MGA: variants seen among roughly 807,000 people sequenced by gnomAD.
MGA encodes MAX gene-associated protein.
Under a neutral mutation model 261.1 loss-of-function variants are expected in MGA, and 40 were observed. That is an observed-to-expected ratio of 0.15 (90% confidence interval 0.12 to 0.20). The LOEUF (loss-of-function observed/expected upper bound fraction) is 0.20, where lower values mean the gene tolerates loss of function less well. Ranked by LOEUF, MGA falls within the 10% of genes least tolerant of loss-of-function variation. The probability of loss-of-function intolerance (pLI) is 1.00; values close to 1 mark genes in which losing one functional copy is unlikely to be tolerated. For missense variants in MGA, 3,397 were observed against 3,630.5 expected, an observed-to-expected ratio of 0.94 and a Z score of 1.65; for synonymous variants, 1,302 against 1,290.6, an observed-to-expected ratio of 1.01 and a Z score of -0.19.
intron 15 of MGA, among the ~76,000 whole-genome samples, chr15:41,745,010 C>T (rs536880801): frequency 6.6e-6 from 1 of 152,278 alleles, no homozygotes; most frequent in East Asian, 1.9e-4. Context: ...TCCCGAGTAG[C>T]TGGGATTGCA....
chr15:41,635,758 T>C (rs1373018939), intron 1 of MGA, among the ~76,000 whole-genome samples: 1 of 152,174 alleles, frequency 6.6e-6, no homozygotes, highest in East Asian at 1.9e-4. Context: ...CACATAATGA[T>C]ATTTTGGTCA....
At chr15:41,657,739 A>C (rs1464621920), upstream of MGA, among the ~76,000 whole-genome samples, 1 of 151,986 alleles carries the variant, frequency 6.6e-6, no homozygotes, top group Non-Finnish European at 1.5e-5. Context: ...CCCTTATTTT[A>C]TGAATGTTCT....
chr15:41,716,201 A>C (rs778720695), intron 9 of MGA, among the ~76,000 whole-genome samples: 1 of 151,880 alleles, frequency 6.6e-6, no homozygotes, highest in African/African-American at 2.4e-5. Flanking sequence ...TAATCCCAGC[A>C]CTTTGGACGG....
At chr15:41,640,429 G>A (rs115937069) in intron 1 of MGA, among the ~76,000 whole-genome samples, 149 of 152,222 alleles carry the variant, frequency 9.8e-4, no homozygotes, top group African/African-American at 3.4e-3. Flanking sequence ...CTAGAGAAGC[G>A]ATACAGTTTC....
chr15:41,658,537 T>G (rs1245263614), upstream of MGA, among the ~76,000 whole-genome samples: 1 of 152,116 alleles, frequency 6.6e-6, no homozygotes, highest in Admixed American at 6.6e-5. Context: ...TGTGGTGGTA[T>G]GATTATTTTT....
At chr15:41,762,387 CT>C (rs2063509591) in intron 22 of MGA, 25 bp downstream of exon 22, 1 of 1,576,404 alleles carries the variant, frequency 6.3e-7, no homozygotes, top group South Asian at 1.1e-5. Context: ...CTTCGCTTTC[CT>C]TAATGTAGAT....
At chr15:41,742,003 T>C (rs1167377977) in intron 14 of MGA, among the ~76,000 whole-genome samples, 3 of 151,666 alleles carry the variant, frequency 2.0e-5, no homozygotes, top group African/African-American at 7.3e-5. Context: ...AGTCACTGTG[T>C]CTGGCCTGGA....
rs760566203 is a variant in MGA at position 41,742,793 on chromosome 15, T to G, written c.4833T>G (p.Ala1611=). 3 of 1,613,918 alleles carry G rather than the reference T, an allele frequency of 1.9e-6. No homozygotes were observed. In the Admixed American group the frequency reaches 5.0e-5, roughly 27 times the overall value. ...AAGTGTTTTTAGAAAATACTACTGC[T>G]GTGACACCTATGACTGCTATTTCTG... The change falls in exon 15 of 24, where the codon GCT becomes GCG. Residue 1611 remains alanine, a synonymous_variant. Coordinates refer to ENST00000219905, the MANE Select transcript of MGA (RefSeq NM_001164273.2).
chr15:41,730,236 G>A (rs1235955071), intron 11 of MGA, among the ~76,000 whole-genome samples: 1 of 152,076 alleles, frequency 6.6e-6, no homozygotes, highest in Non-Finnish European at 1.5e-5. Flanking sequence ...TGGGCTGATC[G>A]AGACTAGCCT....
At chr15:41,668,248 C>G (rs1451246873) in intron 1 of MGA, among the ~76,000 whole-genome samples, 1 of 151,862 alleles carries the variant, frequency 6.6e-6, no homozygotes, top group Non-Finnish European at 1.5e-5. Context: ...GTGTAAGGTC[C>G]ATTGAGTTCC....
intron 9 of MGA, among the ~76,000 whole-genome samples, chr15:41,726,637 G>A (rs568774985): frequency 6.6e-6 from 1 of 151,916 alleles, no homozygotes; most frequent in South Asian, 2.1e-4. Flanking sequence ...GCTGAGGCAT[G>A]AGAATCTCCT....
chr15:41,694,807 C>T (rs375416597), intron 2 of MGA, among the ~76,000 whole-genome samples: 14 of 152,098 alleles, frequency 9.2e-5, no homozygotes, highest in African/African-American at 2.4e-4. Flanking sequence ...CCACTGCGCC[C>T]GGCTCCAGGG....
At position 41,740,136 on chromosome 15, in the gene MGA, CT is replaced by C. The variant is rs1173880233; in HGVS notation, c.4519del (p.Ser1507LeufsTer12). The C allele has an allele frequency of 6.2e-7, 1 of 1,614,010 alleles. No individual in the cohort carries two copies. The highest frequency in any genetic ancestry group is 1.1e-5 in the South Asian group (1 of 91,088). ...CATCCAATTCCAAAATGGCATCCTC[CT>C]CTGGCACTGCAACAAATCGCCCTGG... On this transcript the variant is annotated frameshift_variant, in exon 14 of 24. Transcript: ENST00000219905. LOFTEE classifies it high-confidence loss of function.
intron 5 of MGA, among the ~76,000 whole-genome samples, chr15:41,700,293 G>T (rs528851678): frequency 6.6e-6 from 1 of 151,920 alleles, no homozygotes; most frequent in Non-Finnish European, 1.5e-5. Flanking sequence ...TGATCTGCCC[G>T]CCTCGGCCTC....
intron 2 of MGA, among the ~76,000 whole-genome samples, chr15:41,688,360 G>A (rs1053107938): frequency 2.0e-5 from 3 of 152,142 alleles, no homozygotes; most frequent in African/African-American, 4.8e-5. Context: ...ATGAGCCACC[G>A]TGCCCAGCCT....
At chr15:41,720,881 T>C (rs1292072626) in intron 9 of MGA, among the ~76,000 whole-genome samples, 2 of 152,112 alleles carry the variant, frequency 1.3e-5, no homozygotes, top group Non-Finnish European at 2.9e-5. Context: ...AATGGACTCT[T>C]GATTTGACAG....
chr15:41,638,688 CTT>C (rs761492514), intron 1 of MGA, among the ~76,000 whole-genome samples: 16 of 115,630 alleles, frequency 1.4e-4, no homozygotes, highest in Admixed American at 2.6e-4. Flanking sequence ...TTTTCTTTTT[CTT>C]TTTTTTTTTT....
At chr15:41,638,463 T>C (rs1311621180) in intron 1 of MGA, among the ~76,000 whole-genome samples, 3 of 151,752 alleles carry the variant, frequency 2.0e-5, no homozygotes, top group Non-Finnish European at 2.9e-5. Flanking sequence ...ACTCCTGGGC[T>C]CAGGAGATCC....
intron 1 of MGA, among the ~76,000 whole-genome samples, chr15:41,661,976 G>T (rs538632180): frequency 3.1e-4 from 47 of 152,156 alleles, no homozygotes; most frequent in African/African-American, 1.1e-3. Context: ...TTTTTCACGT[G>T]GTTCTTGGCC....
Sources: allele counts gnomAD v4.1 joint callset (sites outside exome capture counted in the v4.1 genomes callset), GRCh38; gene constraint gnomAD v4.1.1; transcripts MANE v1.5; gene names NCBI Gene and HGNC (gene_info 2026-07-23, HGNC 2026-07-21).